The following LOC400499 variants were observed in gnomAD, a reference collection of about 807,000 sequenced individuals.
chr16:11,510,348 GC>G, the LOC400499 span, among the ~76,000 whole-genome samples: 1 of 151,750 alleles, frequency 6.6e-6, no homozygotes, highest in Non-Finnish European at 1.5e-5. Flanking sequence ...CCTCTCCTTA[GC>G]CCCCCAGGTG....
the LOC400499 span, among the ~76,000 whole-genome samples, chr16:11,492,779 C>T: frequency 4.1e-4 from 43 of 105,194 alleles, no homozygotes; most frequent in African/African-American, 2.2e-3. Flanking sequence ...AGTGAGACTC[C>T]GTCTCAAAAA....
chr16:11,448,819 T>G, the LOC400499 span: 17 of 1,011,968 alleles, frequency 1.7e-5, no homozygotes, highest in Non-Finnish European at 1.9e-5. Context: ...GCCAAGCCAG[T>G]AGCACAAAGC....
the LOC400499 span, chr16:11,442,523 T>C: frequency 1.3e-5 from 2 of 152,218 alleles, no homozygotes; most frequent in East Asian, 3.9e-4. Context: ...TCGCCCAGCC[T>C]AGACACGGTT....
chr16:11,487,142 G>C, the LOC400499 span: 27 of 397,286 alleles, frequency 6.8e-5, no homozygotes, highest in Admixed American at 8.4e-4. Flanking sequence ...TAGATATTAG[G>C]GGAGGAGATT....
At chr16:11,417,439 G>C in the LOC400499 span, among the ~76,000 whole-genome samples, 1 of 151,802 alleles carries the variant, frequency 6.6e-6, no homozygotes, top group South Asian at 2.1e-4. Flanking sequence ...TGTTGTGGAA[G>C]TCCTAGAAAA....
At chr16:11,460,345 C>T in the LOC400499 span, 101 of 1,160,782 alleles carry the variant, frequency 8.7e-5, no homozygotes, top group African/African-American at 1.4e-3. Flanking sequence ...GTTCCAGCCC[C>T]GGATCCATTC....
the LOC400499 span, among the ~76,000 whole-genome samples, chr16:11,486,175 G>T: frequency 6.7e-6 from 1 of 148,674 alleles, no homozygotes; most frequent in Non-Finnish European, 1.5e-5. Flanking sequence ...ATGATGGGAG[G>T]GTGGGCGGAT....
the LOC400499 span, among the ~76,000 whole-genome samples, chr16:11,393,233 A>G: frequency 6.6e-6 from 1 of 150,850 alleles, no homozygotes; most frequent in Non-Finnish European, 1.5e-5. Context: ...AGCTCAAGCA[A>G]TTCACCCATC....
chr16:11,384,833 G>A, the LOC400499 span: 36 of 1,225,078 alleles, frequency 2.9e-5, no homozygotes, highest in South Asian at 3.3e-4. Context: ...TTAAAGGGGT[G>A]CATCCCAAAG....
chr16:11,385,002 C>T, the LOC400499 span: 1 of 1,232,258 alleles, frequency 8.1e-7, no homozygotes. Context: ...CTTGTCGTGG[C>T]AGGATGCAGC....
At chr16:11,377,271 G>A in the LOC400499 span, among the ~76,000 whole-genome samples, 1 of 152,032 alleles carries the variant, frequency 6.6e-6, no homozygotes, top group African/African-American at 2.4e-5. Flanking sequence ...CAGGATTTTC[G>A]ACAAAGATGA....
At chr16:11,460,031 G>C in the LOC400499 span, 1 of 1,467,804 alleles carries the variant, frequency 6.8e-7, no homozygotes, top group Non-Finnish European at 9.0e-7. Flanking sequence ...GGTGGCCCGA[G>C]TCCTCCTCAT....
the LOC400499 span, among the ~76,000 whole-genome samples, chr16:11,525,795 C>A: frequency 6.6e-6 from 1 of 152,118 alleles, no homozygotes; most frequent in African/African-American, 2.4e-5. Context: ...ATTTCCTGAA[C>A]GCTTGAACAC....
At chr16:11,376,631 C>A in the LOC400499 span, among the ~76,000 whole-genome samples, 954 of 152,262 alleles carry the variant, frequency 6.3e-3, 16 homozygotes, top group African/African-American at 0.022. Context: ...TATAAGACGT[C>A]CAAATTTGTT....
the LOC400499 span, chr16:11,390,370 C>T: frequency 4.1e-5 from 51 of 1,235,460 alleles, no homozygotes; most frequent in East Asian, 6.3e-5. Flanking sequence ...GGCCTGCAGC[C>T]GCCGCATGGC....
the LOC400499 span, chr16:11,390,550 T>G: frequency 9.5e-7 from 1 of 1,051,440 alleles, no homozygotes. Flanking sequence ...CTCGAGGAGA[T>G]AGGGCCTGTT....
At chr16:11,419,835 A>G in the LOC400499 span, among the ~76,000 whole-genome samples, 65 of 152,100 alleles carry the variant, frequency 4.3e-4, no homozygotes, top group African/African-American at 1.4e-3. Flanking sequence ...CAAAAGACAC[A>G]TGAAAAAATG....
chr16:11,389,504 G>A, the LOC400499 span, among the ~76,000 whole-genome samples: 109,238 of 151,834 alleles, frequency 0.72, 40,968 homozygotes, highest in Non-Finnish European at 0.82. Flanking sequence ...CAACATGGCA[G>A]AACCCTGTCT....
the LOC400499 span, among the ~76,000 whole-genome samples, chr16:11,415,960 GTTTT>G: frequency 6.8e-6 from 1 of 146,286 alleles, no homozygotes; most frequent in African/African-American, 2.5e-5. Context: ...TTGTTGTTTT[GTTTT>G]TTTTTTTTTG....
Sources: gnomAD v4.1 joint callset for allele counts (sites outside exome capture counted in the v4.1 genomes callset) on GRCh38, gnomAD v4.1.1 for gene constraint, MANE v1.5 for transcripts.